The following MACROD2 variants were observed in gnomAD, a reference collection of about 807,000 sequenced individuals.
MACROD2 encodes mono-ADP ribosylhydrolase 2, also known as ADP-ribose glycohydrolase MACROD2.
MACROD2 carries 36 observed loss-of-function variants against 70.4 expected under a neutral mutation model. That is an observed-to-expected ratio of 0.51 (90% CI 0.39 to 0.68). The LOEUF (loss-of-function observed/expected upper bound fraction) is 0.68. Ranked by LOEUF, MACROD2 falls within the 30% of genes least tolerant of loss-of-function variation. MACROD2 has a pLI of 0.00. For synonymous variants in MACROD2, 172 were observed against 178.8 expected (o/e 0.96, Z 0.30); for missense variants, 496 against 538.4 (o/e 0.92, Z 0.78).
intron 7 of MACROD2, among the ~76,000 whole-genome samples, chr20:15,471,705 T>G (rs1292851909): frequency 6.6e-6 from 1 of 152,182 alleles, no homozygotes; most frequent in Admixed American, 6.5e-5. Context: ...ATTTTTTTTG[T>G]ATCTTCATCC....
intron 5 of MACROD2, among the ~76,000 whole-genome samples, chr20:15,228,868 T>C (rs573860756): frequency 3.3e-5 from 5 of 152,352 alleles, no homozygotes; most frequent in African/African-American, 1.2e-4. Context: ...CTTATTTTTG[T>C]ATACTCTTAT....
chr20:14,803,786 T>C (rs1033558039), intron 5 of MACROD2, among the ~76,000 whole-genome samples: 1 of 152,082 alleles, frequency 6.6e-6, no homozygotes, highest in Admixed American at 6.5e-5. Context: ...TGGCCTGTTC[T>C]TTATTAATTT....
intron 5 of MACROD2, among the ~76,000 whole-genome samples, chr20:15,200,578 G>A (rs1424620177): frequency 2.6e-5 from 4 of 152,182 alleles, no homozygotes; most frequent in Non-Finnish European, 5.9e-5. Context: ...GGGATCACTA[G>A]GATCCCAGGT....
Position 14,479,783 on chromosome 20 carries a change from T to TA in MACROD2, c.272-13696_272-13695insA, listed in dbSNP as rs2084641281. Among the ~76,000 whole-genome samples, 4 of 152,086 alleles carry TA rather than the reference T, an allele frequency of 2.6e-5. No individual in the cohort carries two copies. In the South Asian group the frequency reaches 8.3e-4, roughly 32 times the overall value. ...ATCTCTCATCAACTTGTAAAAAATTTTAAAAAAAATCTTCAACATCATGAT... is the reference window on the plus strand; with the variant it reads ...ATCTCTCATCAACTTGTAAAAAATTTATAAAAAAAATCTTCAACATCATGAT... On this transcript the variant is annotated intron_variant, in intron 3 of 17. Transcript: ENST00000684519.
intron 8 of MACROD2, among the ~76,000 whole-genome samples, chr20:15,664,629 G>T (rs12480191): frequency 6.6e-5 from 10 of 152,140 alleles, no homozygotes; most frequent in Non-Finnish European, 1.0e-4. Flanking sequence ...TCCTCACTGC[G>T]AGTTGTGCTC....
intron 3 of MACROD2, among the ~76,000 whole-genome samples, chr20:14,262,035 A>T (rs1457959175): frequency 6.6e-6 from 1 of 152,196 alleles, no homozygotes; most frequent in Non-Finnish European, 1.5e-5. Context: ...TTCTTTGGTG[A>T]TAGAGATGCA....
intron 2 of MACROD2, among the ~76,000 whole-genome samples, chr20:14,019,540 T>C (rs2053041965): frequency 6.6e-6 from 1 of 152,174 alleles, no homozygotes; most frequent in Non-Finnish European, 1.5e-5. Flanking sequence ...CCCAAAGTGC[T>C]GGGATTACAG....
chr20:15,190,108 T>C (rs2076560502), intron 5 of MACROD2, among the ~76,000 whole-genome samples: 1 of 152,230 alleles, frequency 6.6e-6, no homozygotes, highest in Non-Finnish European at 1.5e-5. Flanking sequence ...CATATAACTA[T>C]AATGTACTCT....
intron 3 of MACROD2, among the ~76,000 whole-genome samples, chr20:14,235,857 C>T (rs1303833505): frequency 2.6e-5 from 4 of 152,014 alleles, no homozygotes; most frequent in Non-Finnish European, 4.4e-5. Flanking sequence ...TTGAAATTAT[C>T]CCATCTTTTA....
chr20:15,159,727 G>A (rs2076334627), intron 5 of MACROD2, among the ~76,000 whole-genome samples: 1 of 151,628 alleles, frequency 6.6e-6, no homozygotes, highest in Admixed American at 6.6e-5. Flanking sequence ...TAATCTAGTA[G>A]AGGTGGTATA....
intron 8 of MACROD2, among the ~76,000 whole-genome samples, chr20:15,695,026 G>C (rs2050347111): frequency 1.3e-5 from 2 of 152,138 alleles, no homozygotes; most frequent in African/African-American, 4.8e-5. Flanking sequence ...TCAGTTGTCT[G>C]TAACTACTTA....
At position 14,846,317 on chromosome 20, in the gene MACROD2, G is replaced by A. The variant is rs541584629; in HGVS notation, c.418+161358G>A. Among the ~76,000 whole-genome samples, 3 of 152,128 alleles carry A rather than the reference G, an allele frequency of 2.0e-5. No individual in the cohort carries two copies. The East Asian group carries it at 5.8e-4, about 29-fold the overall frequency. Reference sequence around the variant, plus strand: ...CGGCTCACTGCAACCTCCACCTCCTGCATTCAAGTGATTCTCATGCCTCAG... The same window carrying A: ...CGGCTCACTGCAACCTCCACCTCCTACATTCAAGTGATTCTCATGCCTCAG... On this transcript the variant is annotated intron_variant, in intron 5 of 17. Transcript: ENST00000684519.
In MACROD2 at chr20:14,516,147, T is replaced by G. The variant is rs538920503; in HGVS notation, c.301+22639T>G. Among the ~76,000 whole-genome samples, 45 of 151,578 alleles carry G rather than the reference T, an allele frequency of 3.0e-4. 1 individual carries two copies. In the South Asian group the frequency reaches 9.1e-3, roughly 31 times the overall value. ...CACATTTATAAACCTTTAAAGCACT[T>G]GGGTATCATATTTTGCTTAACAAGT... is the stretch of plus-strand genomic sequence containing the variant. On this transcript the variant is annotated intron_variant, in intron 4 of 17. Coordinates refer to ENST00000684519, the MANE Select transcript of MACROD2 (RefSeq NM_001351661.2).
At chr20:15,138,654 T>C (rs2076169382) in intron 5 of MACROD2, among the ~76,000 whole-genome samples, 3 of 152,220 alleles carry the variant, frequency 2.0e-5, no homozygotes, top group Non-Finnish European at 4.4e-5. Flanking sequence ...CTGGGGGTGC[T>C]CTGCCAGCTT....
chr20:15,993,508 T>C (rs1189916299), intron 15 of MACROD2, among the ~76,000 whole-genome samples: 1 of 152,172 alleles, frequency 6.6e-6, no homozygotes, highest in Non-Finnish European at 1.5e-5. Context: ...CCTTGGTATG[T>C]AGTAGGCTAT....
chr20:15,737,720 C>T (rs751044060), intron 8 of MACROD2, among the ~76,000 whole-genome samples: 58 of 152,160 alleles, frequency 3.8e-4, no homozygotes, highest in Non-Finnish European at 6.3e-4. Context: ...TAATTTGCCT[C>T]GACAACCATT....
At chr20:15,848,374 G>A (rs1219318916) in intron 8 of MACROD2, among the ~76,000 whole-genome samples, 3 of 151,860 alleles carry the variant, frequency 2.0e-5, no homozygotes, top group East Asian at 1.9e-4. Context: ...GGAGGGGGGG[G>A]TCATCTTCCT....
chr20:15,925,374 C>T (rs1391558515), intron 10 of MACROD2, among the ~76,000 whole-genome samples: 2 of 152,168 alleles, frequency 1.3e-5, no homozygotes, highest in African/African-American at 4.8e-5. Context: ...CAGGGAAGCC[C>T]ACATTAATGA....
intron 10 of MACROD2, among the ~76,000 whole-genome samples, chr20:15,898,011 T>C (rs112036843): frequency 1.1e-3 from 161 of 152,362 alleles, no homozygotes; most frequent in African/African-American, 3.8e-3. Context: ...AAGTACATAT[T>C]TGGCTTAGAG....
Sources: gnomAD v4.1 joint callset for allele counts (sites outside exome capture counted in the v4.1 genomes callset) on GRCh38, gnomAD v4.1.1 for gene constraint, MANE v1.5 for transcripts, NCBI Gene and HGNC (gene_info 2026-07-23, HGNC 2026-07-21) for gene names.